Variants in GREB1 observed in about 807,000 individuals in gnomAD.
GREB1 encodes the protein growth regulating estrogen receptor binding 1, also known as protein GREB1.
Under a neutral mutation model 200.7 loss-of-function variants are expected in GREB1, and 106 were observed. That is an observed-to-expected ratio of 0.53 (90% CI 0.45 to 0.62). The LOEUF is 0.62. Among genes scored for constraint, GREB1 ranks in the 20% least tolerant of loss-of-function variants. The probability of loss-of-function intolerance (pLI) is 0.00; values close to 1 mark genes in which losing one functional copy is unlikely to be tolerated. For synonymous variants in GREB1, 1,132 were observed against 1,092.4 expected, an observed-to-expected ratio of 1.04 and a Z score of -0.72; for missense variants, 2,243 against 2,556.8, an observed-to-expected ratio of 0.88 and a Z score of 2.65.
intron 1 of GREB1, among the ~76,000 whole-genome samples, chr2:11,519,159 T>C (rs375921148): frequency 1.3e-5 from 2 of 152,040 alleles, no homozygotes; most frequent in African/African-American, 4.8e-5. Context: ...TTGGCAGATG[T>C]CTTCCAAAAA....
chr2:11,501,960 A>G (rs1572556875), intron 1 of GREB1, among the ~76,000 whole-genome samples: 1 of 99,814 alleles, frequency 1.0e-5, no homozygotes, highest in African/African-American at 4.0e-5. Context: ...CTTGTTGCCC[A>G]GGCTGGAGTG....
intron 1 of GREB1, among the ~76,000 whole-genome samples, chr2:11,536,634 A>T (rs780627343): frequency 6.6e-6 from 1 of 152,246 alleles, no homozygotes; most frequent in Non-Finnish European, 1.5e-5. Flanking sequence ...TATGGCAAGA[A>T]GAGATACTGG....
intron 1 of GREB1, among the ~76,000 whole-genome samples, chr2:11,537,868 A>G (rs955101747): frequency 9.2e-5 from 14 of 151,956 alleles, no homozygotes; most frequent in Middle Eastern, 3.4e-3. Context: ...CTATCTTTCT[A>G]TACAGTAAAT....
chr2:11,570,625 G>C (rs1678173773), intron 4 of GREB1, among the ~76,000 whole-genome samples: 1 of 151,450 alleles, frequency 6.6e-6, no homozygotes, highest in South Asian at 2.1e-4. Context: ...TTTATGTGTA[G>C]GTCCTTCCTC....
In GREB1 at chr2:11,612,018, AC is replaced by A. The variant is rs570593238; in HGVS notation, c.3007-474del. Among the ~76,000 whole-genome samples the A allele has an allele frequency of 3.2e-4, 48 of 152,008 alleles. No individual in the cohort carries two copies. The East Asian group carries it at 7.0e-3, about 22-fold the overall frequency. On this transcript the variant is annotated intron_variant, in intron 18 of 32. Transcript: ENST00000381486. ...AGATAAGCCTGGCCAGCATGGAGAA[AC>A]CCTGTCTCTACTAAAAATACAACAA...
rs1343759978 is a variant in GREB1, at chr2:11,629,887, GGTCT to G, written c.4450-60_4450-57del. On this transcript the variant is annotated intron_variant, in intron 25 of 32. Coordinates refer to ENST00000381486, the MANE Select transcript of GREB1 (RefSeq NM_014668.4). The surrounding 1 kb of genome is among the most constrained non-coding windows in gnomAD (Gnocchi z 5.2). ...CGTTGTCACAGCAGAGTGGGCCTGG[GGTCT>G]TCTGGGAAGCAGGCCGGACTCTGAC... The G allele has an allele frequency of 3.9e-6, 6 of 1,539,968 alleles. No homozygotes were observed. The highest frequency in any genetic ancestry group is 5.4e-6 in the Non-Finnish European group (6 of 1,119,922).
chr2:11,614,796 C>T (rs1683258088), intron 19 of GREB1, among the ~76,000 whole-genome samples: 1 of 151,980 alleles, frequency 6.6e-6, no homozygotes, highest in African/African-American at 2.4e-5. Flanking sequence ...ATCTCCTGAC[C>T]TTGTGATCCG....
At chr2:11,560,417 C>T (rs182069115) in intron 2 of GREB1, among the ~76,000 whole-genome samples, 59 of 152,082 alleles carry the variant, frequency 3.9e-4, no homozygotes, top group African/African-American at 1.4e-3. Flanking sequence ...AAATAAGAAG[C>T]GGGCCGGGCA....
intron 1 of GREB1, among the ~76,000 whole-genome samples, chr2:11,518,172 C>G (rs376828871): frequency 2.0e-5 from 3 of 152,272 alleles, no homozygotes; most frequent in Non-Finnish European, 4.4e-5. Flanking sequence ...AGTGGACAAC[C>G]TGCTGAGAGA....
intron 1 of GREB1, among the ~76,000 whole-genome samples, chr2:11,512,993 C>T (rs1383483833): frequency 6.6e-6 from 1 of 152,146 alleles, no homozygotes; most frequent in Non-Finnish European, 1.5e-5. Flanking sequence ...TGGATTCTTT[C>T]AACACACTGT....
chr2:11,516,660 C>T lies in GREB1; in HGVS notation c.-159+34279C>T, dbSNP rs189643529. Among the ~76,000 whole-genome samples, 481 of 150,170 alleles carry T rather than the reference C, an allele frequency of 3.2e-3. 6 individuals are homozygous for T. Among genetic ancestry groups the T allele is most frequent in the African/African-American group, 0.012 (466 of 40,004 alleles). ...AGGCTGTGGGCCCATGCGGTTGAGGCGTGAGGGCCAAACGGCCTTACCCAA... is the reference window on the plus strand; with the variant it reads ...AGGCTGTGGGCCCATGCGGTTGAGGTGTGAGGGCCAAACGGCCTTACCCAA... On this transcript the variant is annotated intron_variant, in intron 1 of 2. Coordinates refer to the GREB1 transcript ENST00000628795.
rs566488783 is a variant in GREB1 at position 11,568,735 on chromosome 2, G to A, written c.454+2079G>A. Among the ~76,000 whole-genome samples the A allele has an allele frequency of 3.9e-4, 59 of 152,268 alleles. 1 individual carries two copies. Among genetic ancestry groups the A allele is most frequent in the Non-Finnish European group, 7.3e-4 (50 of 68,052 alleles). ...GGCCCGCAGAGAGGAGGATCTTCCA[G>A]TTCCTTCACCACCAGCCCAGTAACA... On this transcript the variant is annotated intron_variant, in intron 4 of 32. Transcript: ENST00000381486.
chr2:11,495,788 GTCCCCCCGTT>G (rs1672866565), intron 1 of GREB1, among the ~76,000 whole-genome samples: 1 of 143,314 alleles, frequency 7.0e-6, no homozygotes, highest in African/African-American at 2.8e-5. Context: ...GTTAGGATAA[GTCCCCCCGTT>G]TTTTTTTTTT....
chr2:11,632,722 A>G (rs1684984225), intron 27 of GREB1, among the ~76,000 whole-genome samples, 167 bp from the exon 28 acceptor site: 1 of 152,164 alleles, frequency 6.6e-6, no homozygotes, highest in Non-Finnish European at 1.5e-5. Flanking sequence ...TCCTCCCTGT[A>G]GTTTTCTCTC....
At chr2:11,526,618 C>T (rs1673886235) in intron 1 of GREB1, among the ~76,000 whole-genome samples, 2 of 151,562 alleles carry the variant, frequency 1.3e-5, no homozygotes, top group African/African-American at 4.9e-5. Context: ...TGCAGTGCCG[C>T]CATCTTGGCT....
chr2:11,636,406 T>G (rs949819311), intron 30 of GREB1, among the ~76,000 whole-genome samples: 4 of 152,234 alleles, frequency 2.6e-5, no homozygotes, highest in Non-Finnish European at 4.4e-5. Flanking sequence ...AATCTTAATT[T>G]TCTATTATGT....
At chr2:11,530,582 A>T (rs1318126169), upstream of GREB1, among the ~76,000 whole-genome samples, 2 of 151,904 alleles carry the variant, frequency 1.3e-5, no homozygotes, top group East Asian at 3.9e-4. Context: ...AAAAAAAAAA[A>T]AAAATTAAGT....
chr2:11,610,692 C>T lies in GREB1; in HGVS notation c.2671C>T (p.Pro891Ser). The change falls in exon 18 of 33, where the codon CCC becomes TCC. Residue 891 changes from proline (P) to serine (S), a missense_variant. Pro to Ser is a moderately conservative substitution (Grantham distance 74). Around this residue, in one of 3 missense-constraint regions of GREB1, gnomAD observed 1,178 missense variants for 1,387.4 expected, o/e 0.85. Coordinates refer to ENST00000381486, the MANE Select transcript of GREB1 (RefSeq NM_014668.4). ...GTCTCTCTGTGTTCCTTGCAGGTTC[C>T]CCCGCCTGCACAGCGCGGTGATCAG... ...AMVTALGKRF[P>S]RLHSAVIRTF... 6.2e-7 allele frequency: 1 copy of T among 1,608,180 alleles called. No individual in the cohort carries two copies. The highest frequency in any genetic ancestry group is 8.5e-7 in the Non-Finnish European group (1 of 1,176,820).
rs1376441553 is a variant in GREB1 at position 11,500,462 on chromosome 2, T to C, written c.-159+18081T>C. Among the ~76,000 whole-genome samples the C allele has an allele frequency of 2.0e-3, 4 of 1,962 alleles. No individual in the cohort carries two copies. The Non-Finnish European group carries it at 0.026, about 13-fold the overall frequency. The allele number at this position is 1,962 out of a possible 152,430, so 1.3% of individuals were successfully genotyped here. ...GCGTAAGCCACTGTGCCTGGCCATT[T>C]TTTTTTTTTTTTTTGATTTTTAATA... On this transcript the variant is annotated intron_variant, in intron 1 of 2. Transcript: ENST00000628795.
Sources: gnomAD v4.1 joint callset for allele counts (sites outside exome capture counted in the v4.1 genomes callset) on GRCh38, gnomAD v4.1.1 for gene constraint, gnomAD v4.1.1 regional missense constraint, Gnocchi (gnomAD v3.1) non-coding constraint, MANE v1.5 for transcripts, NCBI Gene and HGNC (gene_info 2026-07-23, HGNC 2026-07-21) for gene names.